SAXO1: variants seen among roughly 807,000 people sequenced by gnomAD.
The protein encoded by SAXO1 is stabilizer of axonemal microtubules 1.
SAXO1 carries 21 observed loss-of-function variants against 17.5 expected under a neutral mutation model. The ratio of observed to expected loss-of-function variants is 1.20; its 90% CI spans 0.85 to 1.72. The LOEUF is 1.72. Ranked by LOEUF, SAXO1 falls within the 40% of genes most tolerant of loss-of-function variation. The pLI is 0.00. For synonymous variants in SAXO1, 274 were observed against 216.5 expected (o/e 1.27, Z -2.33); for missense variants, 843 against 596.0 (o/e 1.41, Z -4.32).
Position 19,047,090 on chromosome 9 carries a change from G to A in SAXO1, c.-158+2119C>T, listed in dbSNP as rs149234769. 8.5e-5 allele frequency among the ~76,000 whole-genome samples: 13 copies of A among 152,302 alleles called. No homozygotes were observed. The East Asian group carries it at 2.1e-3, about 25-fold the overall frequency. ...TAATACCAGCTACTCGGGAGGCTGA[G>A]CCGGGAGAATGGCTTGAATCTGGGA... On this transcript the variant is annotated intron_variant, in intron 1 of 3. Coordinates refer to the SAXO1 transcript ENST00000542071.
intron 1 of SAXO1, among the ~76,000 whole-genome samples, chr9:18,958,291 G>A (rs1832334971): frequency 6.6e-6 from 1 of 152,106 alleles, no homozygotes. Flanking sequence ...AGGTGTGATG[G>A]TGGGCACCTG....
chr9:19,003,248 A>C (rs984212408), intron 1 of SAXO1, among the ~76,000 whole-genome samples: 4 of 152,234 alleles, frequency 2.6e-5, no homozygotes, highest in Non-Finnish European at 4.4e-5. Context: ...AAAAGAGGAC[A>C]CAAACAAACG....
At chr9:18,949,872 C>T (rs1439631593) in intron 2 of SAXO1, among the ~76,000 whole-genome samples, 2 of 152,220 alleles carry the variant, frequency 1.3e-5, no homozygotes, top group African/African-American at 4.8e-5. Flanking sequence ...TCAACATTCA[C>T]CATCATCTCC....
chr9:19,029,414 C>T (rs950693503), intron 1 of SAXO1, among the ~76,000 whole-genome samples: 2 of 152,172 alleles, frequency 1.3e-5, no homozygotes, highest in East Asian at 1.9e-4. Context: ...CACTCAAGGG[C>T]GCTGTCTCTG....
At chr9:18,950,160 G>A (rs1831971083) in intron 2 of SAXO1, among the ~76,000 whole-genome samples, 2 of 152,200 alleles carry the variant, frequency 1.3e-5, no homozygotes, top group South Asian at 2.1e-4. Context: ...ACTGAACCAT[G>A]TGGCTCAGCC....
intron 1 of SAXO1, among the ~76,000 whole-genome samples, chr9:18,991,797 C>A (rs2131843564): frequency 6.6e-6 from 1 of 152,260 alleles, no homozygotes; most frequent in African/African-American, 2.4e-5. Context: ...CCCCACCTGC[C>A]AGTCCACAGA....
chr9:18,970,988 C>G (rs952061430), intron 1 of SAXO1, among the ~76,000 whole-genome samples: 1 of 152,124 alleles, frequency 6.6e-6, no homozygotes, highest in Non-Finnish European at 1.5e-5. Context: ...AAACGTGGCC[C>G]TGTCTCATGC....
intron 1 of SAXO1, among the ~76,000 whole-genome samples, chr9:18,997,427 T>C (rs1834053341): frequency 6.6e-6 from 1 of 152,230 alleles, no homozygotes; most frequent in Non-Finnish European, 1.5e-5. Context: ...GAGTAGGTAG[T>C]TCCATGCTCA....
chr9:18,933,983 T>C (rs1026338489), intron 3 of SAXO1, among the ~76,000 whole-genome samples: 5 of 152,142 alleles, frequency 3.3e-5, no homozygotes, highest in Non-Finnish European at 7.3e-5. Context: ...GAGGCGGAGC[T>C]TGCAGTGAGC....
At position 19,032,928 on chromosome 9, in the gene SAXO1, T is replaced by G; in HGVS notation, c.-20A>C. The G allele has an allele frequency of 6.2e-7, 1 of 1,604,978 alleles. No homozygotes were observed. The highest frequency in any genetic ancestry group is 8.5e-7 in the Non-Finnish European group (1 of 1,178,078). ...CTTCATAGGGGCGATCCTGAGGCCCTGACGTCCCCTCAGAGCATCGCCAGC... is the reference window on the plus strand; with the variant it reads ...CTTCATAGGGGCGATCCTGAGGCCCGGACGTCCCCTCAGAGCATCGCCAGC... On this transcript the variant is annotated 5_prime_UTR_variant, in exon 1 of 4. Transcript: ENST00000380534.
chr9:18,958,939 A>G (rs1832367959), intron 1 of SAXO1, among the ~76,000 whole-genome samples: 1 of 152,234 alleles, frequency 6.6e-6, no homozygotes, highest in Non-Finnish European at 1.5e-5. Context: ...TTCTGGGGGA[A>G]AAACTGACAA....
intron 1 of SAXO1, among the ~76,000 whole-genome samples, chr9:18,960,779 T>C (rs756504559): frequency 2.3e-5 from 3 of 131,802 alleles, no homozygotes; most frequent in Non-Finnish European, 4.8e-5. Flanking sequence ...AGACCCTGTC[T>C]CAAAAGAAAA....
intron 1 of SAXO1, among the ~76,000 whole-genome samples, chr9:19,021,071 G>C (rs1835213547): frequency 6.6e-6 from 1 of 152,160 alleles, no homozygotes; most frequent in African/African-American, 2.4e-5. Flanking sequence ...CTCTCCTCTA[G>C]CTGCCCAGTT....
At chr9:18,987,755 G>A (rs1833654808) in intron 1 of SAXO1, among the ~76,000 whole-genome samples, 1 of 151,990 alleles carries the variant, frequency 6.6e-6, no homozygotes, top group African/African-American at 2.4e-5. Flanking sequence ...TAATTAGCTA[G>A]GTGTGGTGGC....
At chr9:18,964,439 T>G (rs1364088309) in intron 1 of SAXO1, among the ~76,000 whole-genome samples, 1 of 152,220 alleles carries the variant, frequency 6.6e-6, no homozygotes, top group Non-Finnish European at 1.5e-5. Context: ...AATTACTGCC[T>G]CAATTTCAGA....
chr9:19,030,172 G>T (rs908075979), intron 1 of SAXO1, among the ~76,000 whole-genome samples: 1 of 152,052 alleles, frequency 6.6e-6, no homozygotes, highest in Non-Finnish European at 1.5e-5. Flanking sequence ...TTAGAGAAAG[G>T]GAAAGGATAA....
chr9:19,049,335 G>T lies in SAXO1; in HGVS notation c.-284C>A, dbSNP rs1836299103. ...AGCAGCGGCTTTTCAAGGCTCGTCG[G>T]GCACGGAGGGCGGAGCGAGGGAGCT... is the stretch of plus-strand genomic sequence containing the variant. On this transcript the variant is annotated 5_prime_UTR_variant, in exon 1 of 4. Transcript: ENST00000542071. This position sits in a 1 kb window ranked among gnomAD's most constrained non-coding sequence, Gnocchi z 5.4. The T allele has an allele frequency of 3.9e-6, 1 of 255,120 alleles. No individual in the cohort carries two copies. The highest frequency in any genetic ancestry group is 7.4e-6 in the Non-Finnish European group (1 of 134,704). The allele number at this position is 255,120 out of a possible 1,614,324, so 15.8% of individuals were successfully genotyped here.
intron 1 of SAXO1, 52 bp downstream of exon 1, chr9:19,032,819 G>C (rs1185501453): frequency 6.3e-7 from 1 of 1,593,930 alleles, no homozygotes; most frequent in African/African-American, 1.3e-5. Flanking sequence ...CCTTCCTCGG[G>C]AGTCTGAAAA....
At chr9:19,046,512 A>T (rs1836220051) in intron 1 of SAXO1, among the ~76,000 whole-genome samples, 1 of 152,056 alleles carries the variant, frequency 6.6e-6, no homozygotes. Flanking sequence ...CCTGACCAAC[A>T]TGGAGAAAGG....
Sources: gnomAD v4.1 joint callset for allele counts (sites outside exome capture counted in the v4.1 genomes callset) on GRCh38, gnomAD v4.1.1 for gene constraint, Gnocchi (gnomAD v3.1) non-coding constraint, MANE v1.5 for transcripts, NCBI Gene and HGNC (gene_info 2026-07-23, HGNC 2026-07-21) for gene names.